Variants in CNTNAP2 observed in about 807,000 individuals in gnomAD.
CNTNAP2 encodes the protein contactin-associated protein-like 2.
A neutral mutation model predicts 155.2 loss-of-function variants in CNTNAP2; 98 were observed. The observed-to-expected ratio is 0.63, with a 90% CI of 0.54 to 0.75. CNTNAP2 has a LOEUF of 0.75. Among genes scored for constraint, CNTNAP2 ranks in the 30% least tolerant of loss-of-function variants. The pLI is 0.00. For synonymous variants in CNTNAP2, 651 were observed against 631.2 expected (o/e 1.03, Z -0.47); for missense variants, 1,727 against 1,688.1 (o/e 1.02, Z -0.40).
chr7:146,821,258 C>T (rs1320901478), intron 2 of CNTNAP2, among the ~76,000 whole-genome samples: 1 of 152,076 alleles, frequency 6.6e-6, no homozygotes, highest in Non-Finnish European at 1.5e-5. Context: ...TCTTCCTAGC[C>T]TTGATGGTCT....
chr7:146,836,281 C>T (rs996249693), intron 2 of CNTNAP2, among the ~76,000 whole-genome samples: 2 of 151,720 alleles, frequency 1.3e-5, no homozygotes, highest in African/African-American at 4.9e-5. Flanking sequence ...GGGCAGGGAT[C>T]AACAAACTTC....
chr7:146,847,056 C>A (rs1803855480), intron 3 of CNTNAP2, among the ~76,000 whole-genome samples: 2 of 151,906 alleles, frequency 1.3e-5, no homozygotes, highest in African/African-American at 4.8e-5. Context: ...GAACTCAATG[C>A]TAATTTTTTT....
chr7:148,170,652 T>C (rs1160308124), intron 17 of CNTNAP2, among the ~76,000 whole-genome samples: 1 of 152,206 alleles, frequency 6.6e-6, no homozygotes, highest in Non-Finnish European at 1.5e-5. Context: ...TTAAAACCAA[T>C]GAGTCACCCA....
intron 1 of CNTNAP2, among the ~76,000 whole-genome samples, chr7:146,527,374 T>A (rs1222896430): frequency 6.6e-6 from 1 of 152,144 alleles, no homozygotes; most frequent in Non-Finnish European, 1.5e-5. Flanking sequence ...TCAATACCTG[T>A]TTTGTATTAG....
chr7:146,780,193 G>GTT (rs71525972), intron 2 of CNTNAP2, among the ~76,000 whole-genome samples: 168 of 149,300 alleles, frequency 1.1e-3, no homozygotes, highest in South Asian at 3.8e-3. Context: ...TTTCCTGACT[G>GTT]TTTTTTTTTT....
chr7:146,513,134 T>C (rs1486376458), intron 1 of CNTNAP2, among the ~76,000 whole-genome samples: 7 of 151,978 alleles, frequency 4.6e-5, no homozygotes, highest in Non-Finnish European at 8.8e-5. Flanking sequence ...TTTGTCTCCA[T>C]TTACTTGGAA....
intron 12 of CNTNAP2, among the ~76,000 whole-genome samples, chr7:147,564,018 C>T (rs1379674852): frequency 6.6e-6 from 1 of 152,078 alleles, no homozygotes; most frequent in Non-Finnish European, 1.5e-5. Flanking sequence ...GCCTGGGCAA[C>T]ATAGTGAGAC....
In CNTNAP2 at chr7:146,333,699, A is replaced by T. The variant is rs1207529222; in HGVS notation, c.97+216726A>T. 2.6e-5 allele frequency among the ~76,000 whole-genome samples: 4 copies of T among 152,236 alleles called. 1 individual carries two copies. Among genetic ancestry groups the T allele is most frequent in the Admixed American group, 6.5e-5 (1 of 15,290 alleles). On this transcript the variant is annotated intron_variant, in intron 1 of 23. Coordinates refer to ENST00000361727, the MANE Select transcript of CNTNAP2 (RefSeq NM_014141.6). ...AATTCCTAAAGGTGTCATGGCTCAA[A>T]CATGATAGAAAATTATTTCTTGCTC...
chr7:147,515,968 G>C (rs1799119204), intron 11 of CNTNAP2, among the ~76,000 whole-genome samples: 1 of 146,788 alleles, frequency 6.8e-6, no homozygotes. Context: ...TGAAATGAAA[G>C]GTAAAAACCA....
chr7:147,629,537 T>A (rs1289876826), intron 12 of CNTNAP2, among the ~76,000 whole-genome samples: 1 of 151,824 alleles, frequency 6.6e-6, no homozygotes, highest in Non-Finnish European at 1.5e-5. Context: ...ATTACTTTCT[T>A]CAACACACAG....
chr7:147,483,654 A>C (rs2116633530), intron 10 of CNTNAP2, among the ~76,000 whole-genome samples: 1 of 152,352 alleles, frequency 6.6e-6, no homozygotes, highest in South Asian at 2.1e-4. Context: ...ACCCGCAATA[A>C]TTTAGAAAGT....
At chr7:147,346,210 A>G (rs1156518347) in intron 9 of CNTNAP2, among the ~76,000 whole-genome samples, 1 of 147,872 alleles carries the variant, frequency 6.8e-6, no homozygotes, top group Non-Finnish European at 1.5e-5. Context: ...TGCGGACTGC[A>G]GTGGCGCAAT....
At chr7:147,470,971 G>A (rs2116608521) in intron 10 of CNTNAP2, among the ~76,000 whole-genome samples, 1 of 152,252 alleles carries the variant, frequency 6.6e-6, no homozygotes, top group South Asian at 2.1e-4. Context: ...AAGACAGACT[G>A]AGAAGGAGCA....
At chr7:147,465,188 G>T (rs904896517) in intron 10 of CNTNAP2, among the ~76,000 whole-genome samples, 3 of 152,188 alleles carry the variant, frequency 2.0e-5, no homozygotes, top group African/African-American at 4.8e-5. Context: ...GGACATGGTT[G>T]AAAAACTACC....
intron 1 of CNTNAP2, among the ~76,000 whole-genome samples, chr7:146,149,059 A>C (rs1797996438): frequency 6.6e-6 from 1 of 152,028 alleles, no homozygotes; most frequent in South Asian, 2.1e-4. Context: ...GAGGGAAGGC[A>C]TTAGGAGATA....
At chr7:146,728,627 G>T (rs201036872) in intron 1 of CNTNAP2, among the ~76,000 whole-genome samples, 2 of 140,998 alleles carry the variant, frequency 1.4e-5, no homozygotes, top group Admixed American at 1.4e-4. Flanking sequence ...AAAAAAAAAC[G>T]AAACAACAGC....
chr7:146,299,421 G>A (rs946383325), intron 1 of CNTNAP2, among the ~76,000 whole-genome samples: 7 of 152,056 alleles, frequency 4.6e-5, no homozygotes, highest in Non-Finnish European at 8.8e-5. Flanking sequence ...TTATTTTAGA[G>A]TTGGAGTCAC....
chr7:146,572,369 C>T (rs1038122221), intron 1 of CNTNAP2, among the ~76,000 whole-genome samples: 133 of 150,734 alleles, frequency 8.8e-4, no homozygotes, highest in African/African-American at 3.1e-3. Flanking sequence ...GACTGGGTCT[C>T]CTATCTTTTT....
At chr7:146,975,587 G>A (rs1004279851) in intron 3 of CNTNAP2, among the ~76,000 whole-genome samples, 7 of 152,086 alleles carry the variant, frequency 4.6e-5, no homozygotes, top group African/African-American at 1.7e-4. Context: ...TTGTAATCAG[G>A]GTCCTTAACT....
Sources: gnomAD v4.1 joint callset for allele counts (sites outside exome capture counted in the v4.1 genomes callset) on GRCh38, gnomAD v4.1.1 for gene constraint, MANE v1.5 for transcripts, NCBI Gene and HGNC (gene_info 2026-07-23, HGNC 2026-07-21) for gene names.